TNIK: variants seen among roughly 807,000 people sequenced by gnomAD.
The protein encoded by TNIK is TRAF2 and NCK interacting kinase, also known as TRAF2 and NCK-interacting protein kinase.
Under a neutral mutation model 191.3 loss-of-function variants are expected in TNIK, and 49 were observed. The observed-to-expected ratio is 0.26, with a 90% CI of 0.20 to 0.32. TNIK has a LOEUF of 0.32. Ranked by LOEUF, TNIK falls within the 10% of genes least tolerant of loss-of-function variation. TNIK has a pLI of 1.00. For synonymous variants in TNIK, 594 were observed against 600.9 expected (o/e 0.99, Z 0.17); for missense variants, 1,155 against 1,702.3 (o/e 0.68, Z 5.66).
intron 1 of TNIK, among the ~76,000 whole-genome samples, chr3:171,451,291 C>G (rs567085352): frequency 6.6e-6 from 1 of 152,200 alleles, no homozygotes; most frequent in South Asian, 2.1e-4. Flanking sequence ...GAGCCACCTA[C>G]GTGGGGAGGA....
At chr3:171,241,407 CA>C (rs1744972184) in intron 2 of TNIK, among the ~76,000 whole-genome samples, 1 of 152,094 alleles carries the variant, frequency 6.6e-6, no homozygotes, top group Non-Finnish European at 1.5e-5. Flanking sequence ...AACTGAGGCT[CA>C]AAAAACCCAA....
At chr3:171,242,841 CT>C (rs1337817337) in intron 2 of TNIK, among the ~76,000 whole-genome samples, 6 of 152,078 alleles carry the variant, frequency 3.9e-5, no homozygotes, top group Non-Finnish European at 7.4e-5. Flanking sequence ...ACATATGATG[CT>C]TTAAAAGATT....
chr3:171,069,926 G>A (rs1375665661), intron 29 of TNIK, among the ~76,000 whole-genome samples: 2 of 152,206 alleles, frequency 1.3e-5, no homozygotes, highest in African/African-American at 2.4e-5. Context: ...CCTCTTGCCA[G>A]TTCCACTCTT....
chr3:171,334,245 C>T (rs80310284), intron 2 of TNIK, among the ~76,000 whole-genome samples: 2,201 of 152,288 alleles, frequency 0.014, 22 homozygotes, highest in Non-Finnish European at 0.023. Flanking sequence ...AGTAGCCTGC[C>T]TGTTTGCCCT....
At chr3:171,138,705 C>T (rs774595406) in intron 14 of TNIK, among the ~76,000 whole-genome samples, 15 of 152,134 alleles carry the variant, frequency 9.9e-5, no homozygotes, top group Non-Finnish European at 1.3e-4. Context: ...TTTAAATGGT[C>T]GGCATACAAC....
intron 1 of TNIK, among the ~76,000 whole-genome samples, chr3:171,453,642 C>G (rs776321920): frequency 3.3e-5 from 5 of 152,006 alleles, no homozygotes; most frequent in African/African-American, 7.3e-5. Flanking sequence ...CTACAGTGTA[C>G]GAGAAACCAG....
chr3:171,204,098 A>G (rs984358850), intron 4 of TNIK, among the ~76,000 whole-genome samples: 2 of 152,220 alleles, frequency 1.3e-5, no homozygotes, highest in Non-Finnish European at 2.9e-5. Context: ...AATGGCATGC[A>G]GCAAAATGGA....
At chr3:171,217,043 A>T (rs1181279242) in intron 3 of TNIK, among the ~76,000 whole-genome samples, 1 of 152,124 alleles carries the variant, frequency 6.6e-6, no homozygotes, top group South Asian at 2.1e-4. Context: ...CAAACCCATT[A>T]CTAGGTATAT....
intron 2 of TNIK, among the ~76,000 whole-genome samples, chr3:171,265,245 C>T (rs774134479): frequency 3.9e-5 from 6 of 152,148 alleles, no homozygotes; most frequent in Non-Finnish European, 8.8e-5. Context: ...CAGCTGCTTG[C>T]CATTTGAAGA....
intron 1 of TNIK, among the ~76,000 whole-genome samples, chr3:171,382,610 A>G (rs1390767528): frequency 6.6e-6 from 1 of 152,128 alleles, no homozygotes; most frequent in Admixed American, 6.5e-5. Flanking sequence ...CACATGATTT[A>G]CTTTGGCTAA....
chr3:171,102,955 T>A (rs1211341413), intron 21 of TNIK, among the ~76,000 whole-genome samples: 2 of 152,194 alleles, frequency 1.3e-5, no homozygotes, highest in Admixed American at 1.3e-4. Context: ...ACTATTTTGG[T>A]TCACACTAGG....
intron 2 of TNIK, among the ~76,000 whole-genome samples, chr3:171,253,276 T>C (rs1375295450): frequency 1.6e-5 from 2 of 125,872 alleles, no homozygotes; most frequent in African/African-American, 2.9e-5. Context: ...AAAGCAAGAC[T>C]GTCTCAAAAA....
chr3:171,297,666 T>C (rs1467079874), intron 2 of TNIK, among the ~76,000 whole-genome samples: 1 of 152,226 alleles, frequency 6.6e-6, no homozygotes, highest in Non-Finnish European at 1.5e-5. Context: ...AATTAAACAA[T>C]ATAATTTTAT....
chr3:171,214,279 T>C (rs1168783400), intron 3 of TNIK, among the ~76,000 whole-genome samples: 1 of 151,686 alleles, frequency 6.6e-6, no homozygotes, highest in Non-Finnish European at 1.5e-5. Flanking sequence ...TCTCACAATA[T>C]GGCCCATCAA....
chr3:171,143,046 C>T (rs1390690896), intron 12 of TNIK, among the ~76,000 whole-genome samples: 1 of 152,160 alleles, frequency 6.6e-6, no homozygotes, highest in East Asian at 1.9e-4. Context: ...AACTCAAGAG[C>T]GTCTGGGCTT....
At chr3:171,236,116 T>A (rs1018971948) in intron 2 of TNIK, among the ~76,000 whole-genome samples, 2 of 151,284 alleles carry the variant, frequency 1.3e-5, no homozygotes, top group Admixed American at 1.3e-4. Flanking sequence ...CCTCTAACAT[T>A]GCCTGGGACA....
intron 2 of TNIK, among the ~76,000 whole-genome samples, chr3:171,348,451 G>C (rs1332341453): frequency 6.6e-6 from 1 of 151,990 alleles, no homozygotes; most frequent in Non-Finnish European, 1.5e-5. Context: ...GAAGAGGATG[G>C]GGTGGTTACA....
At chr3:171,149,918 TA>T (rs1732204555) in intron 12 of TNIK, among the ~76,000 whole-genome samples, 1 of 152,204 alleles carries the variant, frequency 6.6e-6, no homozygotes, top group South Asian at 2.1e-4. Context: ...GGTTAATGAT[TA>T]AGTGAATTAA....
intron 24 of TNIK, among the ~76,000 whole-genome samples, chr3:171,086,126 T>C (rs955244519): frequency 2.0e-5 from 3 of 152,250 alleles, no homozygotes; most frequent in Non-Finnish European, 4.4e-5. Context: ...TGGATAAATA[T>C]CTTTAACTAA....
Sources: allele counts gnomAD v4.1 joint callset (sites outside exome capture counted in the v4.1 genomes callset), GRCh38; gene constraint gnomAD v4.1.1; transcripts MANE v1.5; gene names NCBI Gene and HGNC (gene_info 2026-07-23, HGNC 2026-07-21).